UBE2D2: variants seen among roughly 807,000 people sequenced by gnomAD.
UBE2D2 encodes ubiquitin-conjugating enzyme E2 D2.
A neutral mutation model predicts 24.2 loss-of-function variants in UBE2D2; 2 were observed. The ratio of observed to expected loss-of-function variants is 0.08; its 90% CI spans 0.03 to 0.26. The LOEUF is 0.26. Ranked by LOEUF, UBE2D2 falls within the 10% of genes least tolerant of loss-of-function variation. The probability of loss-of-function intolerance (pLI) is 1.00; values close to 1 mark genes in which losing one functional copy is unlikely to be tolerated. For missense variants in UBE2D2, 44 were observed against 177.6 expected, an observed-to-expected ratio of 0.25 and a Z score of 4.28; for synonymous variants, 58 against 56.5, an observed-to-expected ratio of 1.03 and a Z score of -0.12.
intron 5 of UBE2D2, among the ~76,000 whole-genome samples, chr5:139,620,582 A>C (rs1038127330): frequency 6.6e-6 from 1 of 152,218 alleles, no homozygotes; most frequent in African/African-American, 2.4e-5. Context: ...GAAGAGTCAG[A>C]AAACATCTCT....
At chr5:139,537,052 G>C (rs940604205) in intron 1 of UBE2D2, among the ~76,000 whole-genome samples, 1 of 151,844 alleles carries the variant, frequency 6.6e-6, no homozygotes, top group Non-Finnish European at 1.5e-5. Context: ...GCATGGTGGC[G>C]GATGCCTGTA....
chr5:139,530,070 C>T (rs1752582838), intron 1 of UBE2D2, among the ~76,000 whole-genome samples: 1 of 152,202 alleles, frequency 6.6e-6, no homozygotes, highest in Non-Finnish European at 1.5e-5. Context: ...AAAGGATTCA[C>T]TCATCCTGTA....
chr5:139,595,474 GTTCAAGCGA>G (rs1384814693), intron 1 of UBE2D2, among the ~76,000 whole-genome samples: 3 of 151,990 alleles, frequency 2.0e-5, no homozygotes, highest in African/African-American at 7.2e-5. Context: ...TGCCTCCTGG[GTTCAAGCGA>G]TTCTCCTGCC....
Position 139,574,375 on chromosome 5 carries a change from C to T in UBE2D2, c.24+12560C>T, listed in dbSNP as rs564616329. 1.5e-4 allele frequency among the ~76,000 whole-genome samples: 23 copies of T among 151,696 alleles called. No individual in the cohort carries two copies. In the South Asian group the frequency reaches 4.8e-3, roughly 32 times the overall value. ...AATTAGTATCTCCTGGGGAATGCTGCTGTAGTTGTAACGCTTGTAGTTGGT... is the reference window on the plus strand; with the variant it reads ...AATTAGTATCTCCTGGGGAATGCTGTTGTAGTTGTAACGCTTGTAGTTGGT... On this transcript the variant is annotated intron_variant, in intron 1 of 6. Transcript: ENST00000398733.
At chr5:139,569,177 A>G (rs1718472245) in intron 1 of UBE2D2, among the ~76,000 whole-genome samples, 1 of 152,182 alleles carries the variant, frequency 6.6e-6, no homozygotes, top group Non-Finnish European at 1.5e-5. Flanking sequence ...TTCTTACTCC[A>G]AAAGGTGAGC....
At chr5:139,546,570 C>G (rs1391990459) in intron 1 of UBE2D2, among the ~76,000 whole-genome samples, 1 of 151,962 alleles carries the variant, frequency 6.6e-6, no homozygotes, top group Non-Finnish European at 1.5e-5. Context: ...GTAACCGCCA[C>G]TTCCCAGGTT....
At chr5:139,593,416 A>G (rs867412865) in intron 1 of UBE2D2, among the ~76,000 whole-genome samples, 1 of 152,168 alleles carries the variant, frequency 6.6e-6, no homozygotes, top group Admixed American at 6.6e-5. Context: ...TTGTTTTCTT[A>G]TAAAATTGGG....
At chr5:139,544,168 CT>C (rs33938446) in intron 1 of UBE2D2, among the ~76,000 whole-genome samples, 428 of 136,432 alleles carry the variant, frequency 3.1e-3, no homozygotes, top group Admixed American at 3.4e-3. Context: ...TTCTTTCTTT[CT>C]TTTTTTTTTT....
Position 139,582,666 on chromosome 5 carries a change from ATT to A in UBE2D2, c.25-17685_25-17684del, listed in dbSNP as rs1195507116. Among the ~76,000 whole-genome samples the A allele has an allele frequency of 5.6e-3, 630 of 112,304 alleles. 1 individual carries two copies. Among genetic ancestry groups the A allele is most frequent in the African/African-American group, 0.023 (552 of 23,862 alleles). The allele number at this position is 112,304 out of a possible 152,430, so 73.7% of individuals were successfully genotyped here. Reference sequence around the variant, plus strand: ...AGATTTCGAAGCGATTTAGATTCGAATTTTTTTTTTTTTTTTTTTTTTGAGAC... The same window carrying A: ...AGATTTCGAAGCGATTTAGATTCGAATTTTTTTTTTTTTTTTTTTTGAGAC... On this transcript the variant is annotated intron_variant, in intron 1 of 6. Coordinates refer to ENST00000398733, the MANE Select transcript of UBE2D2 (RefSeq NM_003339.3).
At chr5:139,603,374 C>T (rs898830745) in intron 2 of UBE2D2, among the ~76,000 whole-genome samples, 2 of 152,080 alleles carry the variant, frequency 1.3e-5, no homozygotes, top group South Asian at 2.1e-4. Context: ...CAGCCGAGTG[C>T]GATGGTTCAC....
At chr5:139,572,279 A>G (rs991076471) in intron 1 of UBE2D2, among the ~76,000 whole-genome samples, 1 of 152,210 alleles carries the variant, frequency 6.6e-6, no homozygotes, top group African/African-American at 2.4e-5. Flanking sequence ...GCCAAAGTGT[A>G]TGAAATCATG....
At chr5:139,530,251 C>G (rs2126625589) in intron 1 of UBE2D2, among the ~76,000 whole-genome samples, 1 of 152,252 alleles carries the variant, frequency 6.6e-6, no homozygotes, top group Non-Finnish European at 1.5e-5. Context: ...CCAGGTTATA[C>G]TGGATATGTG....
At chr5:139,610,212 C>T (rs758656061) in intron 2 of UBE2D2, among the ~76,000 whole-genome samples, 51 of 152,174 alleles carry the variant, frequency 3.4e-4, no homozygotes, top group Admixed American at 1.2e-3. Flanking sequence ...GTCTACCATA[C>T]GATAAAAACG....
At chr5:139,558,102 A>G (rs904358105), upstream of UBE2D2, among the ~76,000 whole-genome samples, 1 of 152,108 alleles carries the variant, frequency 6.6e-6, no homozygotes, top group African/African-American at 2.4e-5. Context: ...AAAAAAAAGA[A>G]AAAAGATGAA....
intron 6 of UBE2D2, among the ~76,000 whole-genome samples, chr5:139,626,503 A>T (rs1379650155): frequency 6.6e-6 from 1 of 152,268 alleles, no homozygotes; most frequent in Non-Finnish European, 1.5e-5. Context: ...GTATGGAATA[A>T]GGTATATGCC....
At chr5:139,613,496 A>G (rs1754364967) in intron 2 of UBE2D2, among the ~76,000 whole-genome samples, 1 of 152,170 alleles carries the variant, frequency 6.6e-6, no homozygotes, top group Admixed American at 6.5e-5. Flanking sequence ...CATTTGGAAG[A>G]TATTTATTTA....
chr5:139,541,774 G>A (rs180765746), intron 1 of UBE2D2, among the ~76,000 whole-genome samples: 54 of 151,868 alleles, frequency 3.6e-4, no homozygotes, highest in South Asian at 6.3e-4. Flanking sequence ...AAAAGTCTCC[G>A]GGCTCAGTGG....
chr5:139,548,897 G>GAAAA (rs1561498758), intron 1 of UBE2D2, among the ~76,000 whole-genome samples: 3 of 150,990 alleles, frequency 2.0e-5, no homozygotes, highest in African/African-American at 7.3e-5. Context: ...TGCCCAGGCT[G>GAAAA]GAGTGCAGTG....
At chr5:139,588,713 G>A (rs561071262) in intron 1 of UBE2D2, among the ~76,000 whole-genome samples, 1 of 152,250 alleles carries the variant, frequency 6.6e-6, no homozygotes, top group East Asian at 1.9e-4. Context: ...ATCACTACTG[G>A]AAGCTGTCAA....
Sources: allele counts gnomAD v4.1 joint callset (sites outside exome capture counted in the v4.1 genomes callset), GRCh38; gene constraint gnomAD v4.1.1; transcripts MANE v1.5; gene names NCBI Gene and HGNC (gene_info 2026-07-23, HGNC 2026-07-21).